Variants in BAZ2B observed in about 807,000 individuals in gnomAD.
BAZ2B encodes bromodomain adjacent to zinc finger domain protein 2B.
A neutral mutation model predicts 246.0 loss-of-function variants in BAZ2B; 91 were observed. That is an observed-to-expected ratio of 0.37 (90% CI 0.31 to 0.44). The LOEUF is 0.44. Ranked by LOEUF, BAZ2B falls within the 20% of genes least tolerant of loss-of-function variation. BAZ2B has a pLI of 1.00. For synonymous variants in BAZ2B, 855 were observed against 860.0 expected (o/e 0.99, Z 0.10); for missense variants, 2,332 against 2,533.7 (o/e 0.92, Z 1.71).
At chr2:159,638,808 T>C in the BAZ2B span, among the ~76,000 whole-genome samples, 13 of 151,056 alleles carry the variant, frequency 8.6e-5, no homozygotes, top group African/African-American at 2.9e-4. Flanking sequence ...AAAGAGGAGG[T>C]AGAGAAAGAG....
At chr2:159,710,170 C>T in the BAZ2B span, among the ~76,000 whole-genome samples, 13 of 151,872 alleles carry the variant, frequency 8.6e-5, no homozygotes, top group African/African-American at 3.1e-4. Context: ...TTTTCCATGA[C>T]CATGTTTTAC....
intron 2 of BAZ2B, among the ~76,000 whole-genome samples, chr2:159,540,542 C>A (rs2086539315): frequency 6.6e-6 from 1 of 152,218 alleles, no homozygotes; most frequent in African/African-American, 2.4e-5. Flanking sequence ...CAAGTATGCA[C>A]TGAGGATGAT....
the BAZ2B span, among the ~76,000 whole-genome samples, chr2:159,633,692 G>C: frequency 6.6e-6 from 1 of 151,056 alleles, no homozygotes; most frequent in Non-Finnish European, 1.5e-5. Flanking sequence ...TTTCAGGTTG[G>C]AAACCAGAGT....
the BAZ2B span, among the ~76,000 whole-genome samples, chr2:159,643,069 A>AT: frequency 6.6e-6 from 1 of 152,120 alleles, no homozygotes; most frequent in Admixed American, 6.6e-5. Context: ...ATAATCAGCC[A>AT]TTTTTTCTAT....
chr2:159,370,071 C>CA lies in BAZ2B; in HGVS notation c.4213+2973dup, dbSNP rs774802658. ...CATTCTCAGCAAACTATTGCAAGGA[C>CA]AAAAAACCAAACACCGCATGTTCTC... On this transcript the variant is annotated intron_variant, in intron 27 of 36. Coordinates refer to ENST00000392783, the MANE Select transcript of BAZ2B (RefSeq NM_013450.4). Among the ~76,000 whole-genome samples, 3 of 151,960 alleles carry CA rather than the reference C, an allele frequency of 2.0e-5. No individual in the cohort carries two copies. In the East Asian group the frequency reaches 5.8e-4, roughly 29 times the overall value.
At chr2:159,346,096 G>A (rs1213591750) in intron 31 of BAZ2B, among the ~76,000 whole-genome samples, 1 of 152,120 alleles carries the variant, frequency 6.6e-6, no homozygotes, top group African/African-American at 2.4e-5. Flanking sequence ...GACAATACAC[G>A]AGGCACTTTT....
chr2:159,643,758 C>A, the BAZ2B span, among the ~76,000 whole-genome samples: 1 of 151,556 alleles, frequency 6.6e-6, no homozygotes, highest in African/African-American at 2.4e-5. Flanking sequence ...CACCTGTAAT[C>A]CCAGCTACTC....
At chr2:159,575,216 A>G (rs1047843120) in intron 1 of BAZ2B, among the ~76,000 whole-genome samples, 5 of 152,058 alleles carry the variant, frequency 3.3e-5, no homozygotes, top group African/African-American at 9.7e-5. Context: ...AGGGAGTCCT[A>G]TGCTTCTATG....
At chr2:159,590,554 T>A (rs1322154713) in intron 1 of BAZ2B, among the ~76,000 whole-genome samples, 4 of 151,996 alleles carry the variant, frequency 2.6e-5, no homozygotes. Context: ...ATCGTGCCAC[T>A]TCACTCCAGC....
chr2:159,499,516 T>A (rs1468337630), intron 2 of BAZ2B, among the ~76,000 whole-genome samples: 1 of 152,330 alleles, frequency 6.6e-6, no homozygotes, highest in East Asian at 1.9e-4. Flanking sequence ...TAGAATGATT[T>A]ATATTCCTAT....
In BAZ2B at chr2:159,349,962, C is replaced by T; in HGVS notation, c.4609G>A (p.Gly1537Arg). 2 of 1,614,186 alleles carry T rather than the reference C, an allele frequency of 1.2e-6. No individual in the cohort carries two copies. The highest frequency in any genetic ancestry group is 1.7e-6 in the Non-Finnish European group (2 of 1,180,010). ...NLFNTGSSGP[G>R]KFYSPLPNDQ... The stretch of plus-strand genomic sequence containing the variant: ...TTGGGGAGAGGACTGTAGAACTTCC[C>T]TGGACCACTTGAACCAGTATTAAAC... The change falls in exon 28 of 37, where the codon GGG becomes AGG. Residue 1537 changes from glycine to arginine, a missense_variant. Physicochemically the swap from Gly to Arg is moderately radical, Grantham distance 125. Coordinates refer to ENST00000392783, the MANE Select transcript of BAZ2B (RefSeq NM_013450.4).
At chr2:159,422,990 T>G (rs1371842205) in intron 13 of BAZ2B, among the ~76,000 whole-genome samples, 2 of 151,998 alleles carry the variant, frequency 1.3e-5, no homozygotes, top group Non-Finnish European at 2.9e-5. Context: ...AAAACCACAA[T>G]GAAATACTAT....
chr2:159,389,090 A>AAAAC (rs897106647), intron 21 of BAZ2B, among the ~76,000 whole-genome samples: 2 of 130,252 alleles, frequency 1.5e-5, no homozygotes, highest in Non-Finnish European at 3.3e-5. Flanking sequence ...ACCCTGTCTG[A>AAAAC]AAACAACCAA....
the BAZ2B span, among the ~76,000 whole-genome samples, chr2:159,630,808 A>G: frequency 6.6e-6 from 1 of 151,878 alleles, no homozygotes; most frequent in Non-Finnish European, 1.5e-5. Context: ...TGCTGGGATT[A>G]CAGGCGTGAG....
downstream of BAZ2B, among the ~76,000 whole-genome samples, chr2:159,318,083 C>T (rs1401698404): frequency 6.6e-6 from 1 of 152,142 alleles, no homozygotes; most frequent in East Asian, 1.9e-4. Flanking sequence ...TTATGAGCCC[C>T]TGAGGCACCA....
chr2:159,682,914 C>T, the BAZ2B span, among the ~76,000 whole-genome samples: 1 of 136,572 alleles, frequency 7.3e-6, no homozygotes, highest in East Asian at 2.3e-4. Flanking sequence ...ACCCCTCCCC[C>T]CCCCCACACA....
intron 1 of BAZ2B, among the ~76,000 whole-genome samples, chr2:159,581,046 C>T (rs1450985080): frequency 1.3e-5 from 2 of 151,836 alleles, no homozygotes; most frequent in African/African-American, 4.8e-5. Context: ...GCAATGGCAA[C>T]AAAAGCCACA....
chr2:159,376,861 C>A (rs547947776), intron 25 of BAZ2B, among the ~76,000 whole-genome samples: 17 of 152,132 alleles, frequency 1.1e-4, no homozygotes, highest in African/African-American at 3.6e-4. Flanking sequence ...ATTAAAAAAA[C>A]CTTGGAAGAA....
chr2:159,374,604 C>T, intron 26 of BAZ2B, 87 bp downstream of exon 26: 8 of 1,169,476 alleles, frequency 6.8e-6, no homozygotes, highest in African/African-American at 1.5e-5. Context: ...CCTATTTTTG[C>T]TTAGCAGTCA....
Sources: gnomAD v4.1 joint callset for allele counts (sites outside exome capture counted in the v4.1 genomes callset) on GRCh38, gnomAD v4.1.1 for gene constraint, MANE v1.5 for transcripts, NCBI Gene and HGNC (gene_info 2026-07-23, HGNC 2026-07-21) for gene names.